The following DRC1 variants were observed in gnomAD, a reference collection of about 807,000 sequenced individuals.
DRC1 encodes dynein regulatory complex subunit 1.
A neutral mutation model predicts 98.7 loss-of-function variants in DRC1; 74 were observed. The observed-to-expected ratio is 0.75, with a 90% CI of 0.62 to 0.91. The LOEUF (loss-of-function observed/expected upper bound fraction) is 0.91. DRC1 is among the 40% of genes least tolerant of loss of function. The probability of loss-of-function intolerance (pLI) is 0.00; values close to 1 mark genes in which losing one functional copy is unlikely to be tolerated. For missense variants in DRC1, 875 were observed against 886.0 expected (o/e 0.99, Z 0.16); for synonymous variants, 336 against 334.1 (o/e 1.01, Z -0.06).
At chr2:26,430,943 C>G in intron 6 of DRC1, 71 bp downstream of exon 6, 1 of 1,022,088 alleles carries the variant, frequency 9.8e-7, no homozygotes, top group Non-Finnish European at 1.4e-6. Flanking sequence ...AATTTGCTAG[C>G]TAGCCTTTTT....
intron 4 of DRC1, among the ~76,000 whole-genome samples, chr2:26,429,033 G>A (rs1442766282): frequency 6.6e-6 from 1 of 152,066 alleles, no homozygotes; most frequent in African/African-American, 2.4e-5. Flanking sequence ...GGAGCTTGCA[G>A]GGAGATTTGC....
Position 26,454,599 on chromosome 2 carries a change from TG to T in DRC1, c.1920-45del, listed in dbSNP as rs1450753058. 1.9e-6 allele frequency: 3 copies of T among 1,605,296 alleles called. No individual in the cohort carries two copies. The African/African-American group carries it at 4.0e-5, about 21-fold the overall frequency. On this transcript the variant is annotated intron_variant, in intron 14 of 16. Coordinates refer to ENST00000288710, the MANE Select transcript of DRC1 (RefSeq NM_145038.5). This position sits in a 1 kb window ranked among gnomAD's most constrained non-coding sequence, Gnocchi z 5.2. ...CTGTGACTGGCACTGCCTGGGGGCC[TG>T]GGTAGTACCCAATGGACATGACAAT... is the stretch of plus-strand genomic sequence containing the variant.
intron 1 of DRC1, among the ~76,000 whole-genome samples, chr2:26,413,761 CT>C (rs1411552159): frequency 3.4e-4 from 51 of 152,042 alleles, no homozygotes. Context: ...TATCCCTTGA[CT>C]TTCAAGGATA....
At position 26,408,180 on chromosome 2, in the gene DRC1, G is replaced by A. The variant is rs868693972; in HGVS notation, c.155+6036G>A. 6.6e-5 allele frequency among the ~76,000 whole-genome samples: 10 copies of A among 152,156 alleles called. No homozygotes were observed. The South Asian group carries it at 8.3e-4, about 13-fold the overall frequency. On this transcript the variant is annotated intron_variant, in intron 1 of 16. Transcript: ENST00000288710. Reference sequence around the variant, plus strand: ...AAAGGGAACCAAAATAAGGACAACCGATTGGAAAATTAATAGGTAGATGCC... The same window carrying A: ...AAAGGGAACCAAAATAAGGACAACCAATTGGAAAATTAATAGGTAGATGCC...
At chr2:26,429,592 C>T in intron 4 of DRC1, 36 bp from the exon 5 acceptor site, 2 of 1,608,194 alleles carry the variant, frequency 1.2e-6, no homozygotes, top group Non-Finnish European at 1.7e-6. Context: ...GCTCCTGACA[C>T]AGTTTGTGGC....
intron 5 of DRC1, 42 bp from the exon 6 acceptor site, chr2:26,430,744 A>G: frequency 6.2e-7 from 1 of 1,605,056 alleles, no homozygotes; most frequent in Non-Finnish European, 8.5e-7. Flanking sequence ...GGACCTGCCC[A>G]ATCAAAACAG....
intron 6 of DRC1, 111 bp downstream of exon 6, chr2:26,430,983 T>G: frequency 1.3e-6 from 1 of 748,582 alleles, no homozygotes; most frequent in Non-Finnish European, 2.0e-6. Context: ...TTTTTTGAGA[T>G]GGAATCTTGC....
At chr2:26,413,649 T>C (rs748869475) in intron 1 of DRC1, among the ~76,000 whole-genome samples, 1 of 152,212 alleles carries the variant, frequency 6.6e-6, no homozygotes, top group Non-Finnish European at 1.5e-5. Flanking sequence ...TCATATCCTC[T>C]GCCAGTTTTT....
intron 1 of DRC1, among the ~76,000 whole-genome samples, chr2:26,410,817 A>G (rs1678582911): frequency 6.7e-6 from 1 of 150,032 alleles, no homozygotes; most frequent in Non-Finnish European, 1.5e-5. Context: ...GAGTGAAACA[A>G]AACAAAACAC....
chr2:26,411,850 GTTGT>G (rs998733166), intron 1 of DRC1, among the ~76,000 whole-genome samples: 4 of 151,864 alleles, frequency 2.6e-5, no homozygotes, highest in South Asian at 2.1e-4. Context: ...TGTTGTTGTT[GTTGT>G]TTGTTTGTTT....
chr2:26,425,300 A>G (rs1663255256), intron 4 of DRC1, among the ~76,000 whole-genome samples: 1 of 152,150 alleles, frequency 6.6e-6, no homozygotes, highest in African/African-American at 2.4e-5. Context: ...TATATACCAC[A>G]TCTTGTTTTA....
At chr2:26,410,642 G>A (rs1013578364) in intron 1 of DRC1, among the ~76,000 whole-genome samples, 3 of 152,134 alleles carry the variant, frequency 2.0e-5, no homozygotes, top group African/African-American at 7.2e-5. Context: ...GGAGCAGGGA[G>A]CATATTATCA....
chr2:26,411,137 G>C (rs1231409129), intron 1 of DRC1, among the ~76,000 whole-genome samples: 1 of 152,212 alleles, frequency 6.6e-6, no homozygotes, highest in Non-Finnish European at 1.5e-5. Flanking sequence ...GCCCCCAGGA[G>C]GGAGGGAGCT....
At chr2:26,430,156 A>T (rs1663395242) in intron 5 of DRC1, among the ~76,000 whole-genome samples, 1 of 152,232 alleles carries the variant, frequency 6.6e-6, no homozygotes, top group Non-Finnish European at 1.5e-5. Flanking sequence ...AGCACTCCAT[A>T]AGCATAAAGC....
chr2:26,406,395 G>A (rs1678427938), intron 1 of DRC1, among the ~76,000 whole-genome samples: 1 of 152,138 alleles, frequency 6.6e-6, no homozygotes, highest in Non-Finnish European at 1.5e-5. Flanking sequence ...TAAGGTGAAA[G>A]TTAACAGAAT....
chr2:26,426,453 G>C lies in DRC1; in HGVS notation c.540+1999G>C, dbSNP rs112484270. 6.0e-5 allele frequency among the ~76,000 whole-genome samples: 9 copies of C among 150,388 alleles called. No individual in the cohort carries two copies. In the Admixed American group the frequency reaches 6.0e-4, roughly 10 times the overall value. ...TTGATCTCGGCTCACTGCAACCTCC[G>C]TCTCTAGGGTTAGAGCAATTCTTCT... On this transcript the variant is annotated intron_variant, in intron 4 of 16. Coordinates refer to ENST00000288710, the MANE Select transcript of DRC1 (RefSeq NM_145038.5).
At position 26,430,765 on chromosome 2, in the gene DRC1, G is replaced by GTT. The variant is rs1027159936; in HGVS notation, c.679-17_679-16dup. The stretch of plus-strand genomic sequence containing the variant: ...GCCCAATCAAAACAGATGCAAGAGT[G>GTT]TTTTTCCTTCTTGGTCGTAGAAAGC... On this transcript the variant is annotated intron_variant, in intron 5 of 16. Coordinates refer to ENST00000288710, the MANE Select transcript of DRC1 (RefSeq NM_145038.5). The GTT allele has an allele frequency of 2.5e-6, 4 of 1,613,178 alleles. No individual in the cohort carries two copies. The Admixed American group carries it at 6.7e-5, about 27-fold the overall frequency.
chr2:26,432,605 A>AAAG (rs1553341893), intron 7 of DRC1, among the ~76,000 whole-genome samples: 37 of 151,324 alleles, frequency 2.4e-4, no homozygotes, highest in African/African-American at 4.1e-4. Context: ...GAAAGAAAAA[A>AAAG]AAAGAAAGGA....
chr2:26,421,062 C>A, intron 2 of DRC1: 1 of 337,814 alleles, frequency 3.0e-6, no homozygotes, highest in South Asian at 3.0e-5. Context: ...CTGTGCCTGG[C>A]CAAGAACTGC....
Sources: allele counts gnomAD v4.1 joint callset (sites outside exome capture counted in the v4.1 genomes callset), GRCh38; gene constraint gnomAD v4.1.1; non-coding constraint Gnocchi (gnomAD v3.1); transcripts MANE v1.5; gene names NCBI Gene and HGNC (gene_info 2026-07-23, HGNC 2026-07-21).